The following CIMIP6 variants were observed in gnomAD, a reference collection of about 807,000 sequenced individuals.
CIMIP6 encodes ciliary microtubule inner protein 6.
the CIMIP6 span, among the ~76,000 whole-genome samples, chr2:54,357,620 A>C: frequency 6.8e-6 from 1 of 147,038 alleles, no homozygotes; most frequent in African/African-American, 2.5e-5. Flanking sequence ...TCTGTCACCC[A>C]GGCTGGAGTG....
the CIMIP6 span, chr2:54,343,933 AAG>A: frequency 7.2e-7 from 1 of 1,395,674 alleles, no homozygotes. Context: ...TACCAAAACT[AAG>A]ATGTATTAGA....
the CIMIP6 span, among the ~76,000 whole-genome samples, chr2:54,337,350 G>A: frequency 6.6e-6 from 1 of 152,158 alleles, no homozygotes. Context: ...GGGCCATATT[G>A]AGGGTACTTC....
chr2:54,363,594 G>A, the CIMIP6 span, among the ~76,000 whole-genome samples: 1 of 152,082 alleles, frequency 6.6e-6, no homozygotes, highest in African/African-American at 2.4e-5. Flanking sequence ...GTTTCCTTTA[G>A]TTTTGTTCTT....
chr2:54,383,271 G>A, the CIMIP6 span: 1 of 152,378 alleles, frequency 6.6e-6, no homozygotes. Context: ...GCAGTCTCAT[G>A]ACAGACCCAG....
chr2:54,335,095 A>T, the CIMIP6 span: 1 of 1,247,126 alleles, frequency 8.0e-7, no homozygotes, highest in Non-Finnish European at 1.1e-6. Flanking sequence ...TAATTTGGTC[A>T]CAGACTATAA....
At chr2:54,369,867 T>C in the CIMIP6 span, among the ~76,000 whole-genome samples, 2 of 152,224 alleles carry the variant, frequency 1.3e-5, no homozygotes, top group Non-Finnish European at 2.9e-5. Context: ...TCCTTCACCT[T>C]GCTTCTAACA....
chr2:54,381,874 TG>T, the CIMIP6 span: 1 of 1,549,212 alleles, frequency 6.5e-7, no homozygotes, highest in Non-Finnish European at 8.7e-7. Flanking sequence ...GAGCCAAGAC[TG>T]TAACAGTGGT....
the CIMIP6 span, among the ~76,000 whole-genome samples, chr2:54,365,994 C>T: frequency 1.3e-5 from 2 of 152,048 alleles, no homozygotes; most frequent in African/African-American, 4.8e-5. Flanking sequence ...ATACAAGGAA[C>T]ATGAGAAAAA....
the CIMIP6 span, chr2:54,343,898 CT>C: frequency 6.6e-7 from 1 of 1,519,372 alleles, no homozygotes; most frequent in Non-Finnish European, 8.8e-7. Flanking sequence ...TGGTAAAAAC[CT>C]TTTATGTTAT....
chr2:54,370,389 T>C, the CIMIP6 span, among the ~76,000 whole-genome samples: 1 of 151,848 alleles, frequency 6.6e-6, no homozygotes, highest in Non-Finnish European at 1.5e-5. Context: ...ATGTTACTCA[T>C]AAAAAGTACC....
At chr2:54,374,131 T>C in the CIMIP6 span, among the ~76,000 whole-genome samples, 22 of 152,230 alleles carry the variant, frequency 1.4e-4, no homozygotes, top group South Asian at 4.1e-4. Flanking sequence ...TGTACCGTAC[T>C]GTGCAGCATG....
the CIMIP6 span, chr2:54,334,905 C>A: frequency 6.3e-7 from 1 of 1,576,546 alleles, no homozygotes; most frequent in African/African-American, 1.3e-5. Context: ...AAGCATACAT[C>A]ATTCAAAATC....
chr2:54,371,056 C>T, the CIMIP6 span, among the ~76,000 whole-genome samples: 2 of 152,286 alleles, frequency 1.3e-5, no homozygotes, highest in East Asian at 3.9e-4. Context: ...AGAGGGTGAC[C>T]TTTAACAGAA....
At chr2:54,362,104 T>C in the CIMIP6 span, among the ~76,000 whole-genome samples, 2 of 152,190 alleles carry the variant, frequency 1.3e-5, no homozygotes, top group African/African-American at 2.4e-5. Flanking sequence ...GTAAGACTTC[T>C]CTTAGGACAC....
the CIMIP6 span, among the ~76,000 whole-genome samples, chr2:54,363,610 C>T: frequency 0.013 from 2,020 of 152,142 alleles, 51 homozygotes; most frequent in African/African-American, 0.046. Flanking sequence ...TTCTTCTAAA[C>T]GTGAGTTCTT....
the CIMIP6 span, among the ~76,000 whole-genome samples, chr2:54,345,990 T>C: frequency 2.0e-5 from 3 of 152,176 alleles, no homozygotes; most frequent in Admixed American, 2.0e-4. Flanking sequence ...GGAAATACTT[T>C]TTGACCTAGA....
the CIMIP6 span, among the ~76,000 whole-genome samples, chr2:54,341,962 A>T: frequency 6.6e-6 from 1 of 152,212 alleles, no homozygotes; most frequent in Admixed American, 6.5e-5. Context: ...TTTTCCTAGG[A>T]TCTACATCAA....
chr2:54,332,428 G>A, the CIMIP6 span, among the ~76,000 whole-genome samples: 6 of 152,118 alleles, frequency 3.9e-5, no homozygotes, highest in Non-Finnish European at 5.9e-5. Flanking sequence ...CACCTGGCAC[G>A]CAACTCAATA....
At chr2:54,374,504 T>C in the CIMIP6 span, among the ~76,000 whole-genome samples, 1 of 152,154 alleles carries the variant, frequency 6.6e-6, no homozygotes, top group Non-Finnish European at 1.5e-5. Flanking sequence ...TAAGTAAAGG[T>C]AAAATAATGC....
Sources: gnomAD v4.1 joint callset for allele counts (sites outside exome capture counted in the v4.1 genomes callset) on GRCh38, gnomAD v4.1.1 for gene constraint, MANE v1.5 for transcripts, NCBI Gene and HGNC (gene_info 2026-07-23, HGNC 2026-07-21) for gene names.